The following CSMD1 variants were observed in gnomAD, a reference collection of about 807,000 sequenced individuals.
CSMD1 encodes the protein CUB and Sushi multiple domains 1.
CSMD1 carries 213 observed loss-of-function variants against 417.5 expected under a neutral mutation model. The observed-to-expected ratio is 0.51, with a 90% CI of 0.46 to 0.57. The LOEUF (loss-of-function observed/expected upper bound fraction) is 0.57, where lower values mean the gene tolerates loss of function less well. CSMD1 is among the 20% of genes least tolerant of loss of function. CSMD1 has a pLI of 0.00. For missense variants in CSMD1, 6,923 were observed against 4,529.7 expected (o/e 1.53, Z -15.17); for synonymous variants, 2,862 against 1,736.8 (o/e 1.65, Z -16.11).
rs1801648618 is a variant in CSMD1, at chr8:2,938,508, G to A, written c.*77C>T. 15 of 1,376,558 alleles carry A rather than the reference G, an allele frequency of 1.1e-5. No homozygotes were observed. The highest frequency in any genetic ancestry group is 1.5e-5 in the Non-Finnish European group (15 of 1,003,282). 85.3% of individuals were successfully genotyped at this position (1,376,558 alleles called of 1,614,324 possible). On this transcript the variant is annotated 3_prime_UTR_variant, in exon 70 of 70. Transcript: ENST00000635120. ...GTAAAGCCAGAGTGGAAGGGAGAGTGGTATATGGCACCAAAGGAATCACTG... is the reference window on the plus strand; with the variant it reads ...GTAAAGCCAGAGTGGAAGGGAGAGTAGTATATGGCACCAAAGGAATCACTG...
intron 20 of CSMD1, 26 bp downstream of exon 20, chr8:3,367,006 A>C: frequency 6.4e-7 from 1 of 1,563,638 alleles, no homozygotes; most frequent in Non-Finnish European, 8.8e-7. Context: ...GCCAGAGGAG[A>C]GAAACAGCAA....
chr8:3,024,233 T>C (rs796316908), intron 51 of CSMD1, among the ~76,000 whole-genome samples: 4 of 151,090 alleles, frequency 2.6e-5, no homozygotes, highest in African/African-American at 9.7e-5. Flanking sequence ...AAAAATGAAT[T>C]AATGTGTTTA....
chr8:4,966,209 CAAAAA>C lies in CSMD1; in HGVS notation c.85+28118_85+28122del, dbSNP rs33941630. 1.5e-3 allele frequency among the ~76,000 whole-genome samples: 138 copies of C among 89,130 alleles called. 1 individual carries two copies. The highest frequency in any genetic ancestry group is 6.8e-3 in the East Asian group (21 of 3,072). The allele number at this position is 89,130 out of a possible 152,430, so 58.5% of individuals were successfully genotyped here. ...TGGAAGCCCGTCTCTACTAAATATA[CAAAAA>C]AAAAAAAAAAAAAAATTAGCTGGGT... On this transcript the variant is annotated intron_variant, in intron 1 of 69. Coordinates refer to ENST00000635120, the MANE Select transcript of CSMD1 (RefSeq NM_033225.6).
chr8:4,094,892 T>A (rs114353519), intron 3 of CSMD1, among the ~76,000 whole-genome samples: 1 of 152,160 alleles, frequency 6.6e-6, no homozygotes, highest in African/African-American at 2.4e-5. Flanking sequence ...AAAAGACAGA[T>A]TGAAGAGGAT....
chr8:3,514,324 C>G (rs1039535237), intron 10 of CSMD1, among the ~76,000 whole-genome samples: 3 of 152,142 alleles, frequency 2.0e-5, no homozygotes, highest in Non-Finnish European at 4.4e-5. Flanking sequence ...ATATTTTTGG[C>G]TAGGTGGCTG....
intron 6 of CSMD1, among the ~76,000 whole-genome samples, chr8:3,715,815 T>C (rs1434162353): frequency 1.3e-5 from 2 of 152,198 alleles, no homozygotes; most frequent in African/African-American, 2.4e-5. Flanking sequence ...AGTGCTGGGA[T>C]TGCAGGCATG....
At position 3,525,733 on chromosome 8, in the gene CSMD1, C is replaced by G. The variant is rs116260293; in HGVS notation, c.1345-32007G>C. On this transcript the variant is annotated intron_variant, in intron 10 of 69. Coordinates refer to ENST00000635120, the MANE Select transcript of CSMD1 (RefSeq NM_033225.6). The stretch of plus-strand genomic sequence containing the variant: ...CTCAGATTTTAACACCTAGTTGTCG[C>G]AATGTACTTTCAAAGGAAATGAATG... Among the ~76,000 whole-genome samples the G allele has an allele frequency of 4.9e-3, 746 of 152,248 alleles. 5 individuals carry two copies. The highest frequency in any genetic ancestry group is 0.017 in the African/African-American group (712 of 41,536).
chr8:4,221,237 G>T (rs556022177), intron 3 of CSMD1, among the ~76,000 whole-genome samples: 1 of 152,080 alleles, frequency 6.6e-6, no homozygotes, highest in Non-Finnish European at 1.5e-5. Flanking sequence ...TATATAAAAT[G>T]AAATGTATGA....
chr8:3,825,436 G>A (rs1418911020), intron 5 of CSMD1, among the ~76,000 whole-genome samples: 2 of 152,130 alleles, frequency 1.3e-5, no homozygotes, highest in African/African-American at 4.8e-5. Flanking sequence ...GGCTGAGGCA[G>A]TAGAATCGCT....
chr8:4,753,313 G>T (rs929766317), intron 1 of CSMD1, among the ~76,000 whole-genome samples: 1 of 151,784 alleles, frequency 6.6e-6, no homozygotes, highest in Non-Finnish European at 1.5e-5. Context: ...ACATTTAAAT[G>T]ACCAGGATAA....
intron 2 of CSMD1, among the ~76,000 whole-genome samples, chr8:4,430,870 C>G (rs1797834970): frequency 6.6e-6 from 1 of 152,138 alleles, no homozygotes; most frequent in Non-Finnish European, 1.5e-5. Context: ...TCTTTGCCTT[C>G]TGTGTGATCA....
intron 5 of CSMD1, among the ~76,000 whole-genome samples, chr8:3,929,122 C>T (rs1016852736): frequency 6.7e-6 from 1 of 150,234 alleles, no homozygotes; most frequent in Admixed American, 6.6e-5. Flanking sequence ...AAACTCTGCA[C>T]ATAAGCAAGA....
chr8:4,787,821 G>C (rs1797487452), intron 1 of CSMD1: 2 of 1,573,674 alleles, frequency 1.3e-6, no homozygotes. Context: ...ATGCTACACA[G>C]GCTATATTTG....
chr8:3,140,410 T>C (rs1036067514), intron 41 of CSMD1, among the ~76,000 whole-genome samples: 1 of 152,184 alleles, frequency 6.6e-6, no homozygotes, highest in African/African-American at 2.4e-5. Flanking sequence ...TGAGTGATAC[T>C]GTTTGCTAAG....
At chr8:3,458,154 G>T (rs1816275549) in intron 12 of CSMD1, among the ~76,000 whole-genome samples, 1 of 152,124 alleles carries the variant, frequency 6.6e-6, no homozygotes, top group African/African-American at 2.4e-5. Flanking sequence ...AGTTTACTTT[G>T]ACATGTAATC....
chr8:4,076,914 A>G (rs965279940), intron 3 of CSMD1, among the ~76,000 whole-genome samples: 7 of 152,154 alleles, frequency 4.6e-5, no homozygotes, highest in Non-Finnish European at 1.0e-4. Context: ...ATTTTGAACT[A>G]TAACATGGAT....
chr8:3,322,065 G>A (rs1428429478), intron 23 of CSMD1, among the ~76,000 whole-genome samples: 1 of 152,158 alleles, frequency 6.6e-6, no homozygotes, highest in Non-Finnish European at 1.5e-5. Flanking sequence ...CATTTCCATG[G>A]ATTATTTTAC....
intron 3 of CSMD1, among the ~76,000 whole-genome samples, chr8:4,295,966 C>G (rs1011785156): frequency 4.6e-5 from 7 of 151,602 alleles, no homozygotes; most frequent in Non-Finnish European, 1.0e-4. Flanking sequence ...AGAACATTTT[C>G]CTGAAAAAAA....
chr8:4,128,322 T>A (rs1365390493), intron 3 of CSMD1, among the ~76,000 whole-genome samples: 1 of 152,116 alleles, frequency 6.6e-6, no homozygotes. Context: ...TAGGGTCAGT[T>A]TTTAATGAGG....
Sources: allele counts gnomAD v4.1 joint callset (sites outside exome capture counted in the v4.1 genomes callset), GRCh38; gene constraint gnomAD v4.1.1; transcripts MANE v1.5; gene names NCBI Gene and HGNC (gene_info 2026-07-23, HGNC 2026-07-21).